Variants in CNTNAP2 observed in about 807,000 individuals in gnomAD.
The protein encoded by CNTNAP2 is contactin associated protein 2, also known as contactin-associated protein-like 2.
Under a neutral mutation model 155.2 loss-of-function variants are expected in CNTNAP2, and 98 were observed. That is an observed-to-expected ratio of 0.63 (90% CI 0.54 to 0.75). The LOEUF is 0.75. CNTNAP2 is among the 30% of genes least tolerant of loss of function. The pLI, the probability that CNTNAP2 is intolerant of heterozygous loss-of-function variation, is 0.00. For missense variants in CNTNAP2, 1,727 were observed against 1,688.1 expected, an observed-to-expected ratio of 1.02 and a Z score of -0.40; for synonymous variants, 651 against 631.2, an observed-to-expected ratio of 1.03 and a Z score of -0.47.
intron 13 of CNTNAP2, among the ~76,000 whole-genome samples, chr7:147,783,740 T>G (rs1797691354): frequency 6.6e-6 from 1 of 152,172 alleles, no homozygotes. Context: ...ATTAGTGCCC[T>G]TATAAAAGAG....
intron 1 of CNTNAP2, among the ~76,000 whole-genome samples, chr7:146,397,875 TA>T (rs1795654554): frequency 1.7e-4 from 19 of 114,626 alleles, no homozygotes; most frequent in Middle Eastern, 4.8e-3. Context: ...GACAGGCTTT[TA>T]TTTATTTATT....
At chr7:148,081,780 G>A (rs1489873162) in intron 15 of CNTNAP2, among the ~76,000 whole-genome samples, 2 of 152,022 alleles carry the variant, frequency 1.3e-5, no homozygotes, top group Non-Finnish European at 2.9e-5. Context: ...GAGGCCTGAG[G>A]GGGTAGTAAT....
chr7:146,181,636 G>A (rs998066717), intron 1 of CNTNAP2, among the ~76,000 whole-genome samples: 6 of 152,048 alleles, frequency 3.9e-5, no homozygotes, highest in Non-Finnish European at 8.8e-5. Flanking sequence ...CTGCTCAGAT[G>A]AACATTCAAA....
At chr7:147,960,527 C>T (rs1487897915) in intron 14 of CNTNAP2, among the ~76,000 whole-genome samples, 2 of 152,096 alleles carry the variant, frequency 1.3e-5, no homozygotes, top group Non-Finnish European at 2.9e-5. Flanking sequence ...TCCAGGCAGA[C>T]AAGGACAAAG....
At chr7:147,799,349 G>T (rs1286957314) in intron 13 of CNTNAP2, among the ~76,000 whole-genome samples, 1 of 152,058 alleles carries the variant, frequency 6.6e-6, no homozygotes, top group Non-Finnish European at 1.5e-5. Flanking sequence ...AATCCTGTAG[G>T]CATTCATCCT....
chr7:146,297,900 C>T (rs1425439774), intron 1 of CNTNAP2, among the ~76,000 whole-genome samples: 3 of 151,842 alleles, frequency 2.0e-5, no homozygotes, highest in Non-Finnish European at 4.4e-5. Context: ...TACACAGACA[C>T]ACACGTAAAT....
At chr7:147,928,380 C>CT (rs1585033591) in intron 14 of CNTNAP2, among the ~76,000 whole-genome samples, 2 of 152,140 alleles carry the variant, frequency 1.3e-5, no homozygotes, top group East Asian at 3.9e-4. Context: ...ATAGTACCTC[C>CT]TTCACAAAGC....
chr7:146,609,850 T>G (rs1799105668), intron 1 of CNTNAP2, among the ~76,000 whole-genome samples: 1 of 152,310 alleles, frequency 6.6e-6, no homozygotes, highest in South Asian at 2.1e-4. Flanking sequence ...TGGAGATTTC[T>G]TAGGTCTAAC....
intron 4 of CNTNAP2, among the ~76,000 whole-genome samples, chr7:147,065,705 T>C (rs1419452544): frequency 6.6e-6 from 1 of 152,172 alleles, no homozygotes; most frequent in Non-Finnish European, 1.5e-5. Flanking sequence ...ATTATCAATT[T>C]CTTAAAGACA....
intron 12 of CNTNAP2, among the ~76,000 whole-genome samples, chr7:147,634,578 C>T (rs983633118): frequency 3.3e-5 from 5 of 151,830 alleles, no homozygotes; most frequent in African/African-American, 9.7e-5. Flanking sequence ...ACCACCTGTA[C>T]CCCCCAAAAT....
At chr7:148,075,250 A>G (rs1803462655) in intron 15 of CNTNAP2, among the ~76,000 whole-genome samples, 1 of 152,172 alleles carries the variant, frequency 6.6e-6, no homozygotes, top group Admixed American at 6.5e-5. Flanking sequence ...CAGCCTGGCC[A>G]ACATGGTGAA....
At chr7:147,917,340 G>GA (rs1246212245) in intron 14 of CNTNAP2, among the ~76,000 whole-genome samples, 1 of 152,172 alleles carries the variant, frequency 6.6e-6, no homozygotes, top group Non-Finnish European at 1.5e-5. Context: ...GCATATAACA[G>GA]AAAAATAACT....
At chr7:146,794,769 A>G (rs2129189890) in intron 2 of CNTNAP2, among the ~76,000 whole-genome samples, 1 of 152,388 alleles carries the variant, frequency 6.6e-6, no homozygotes, top group East Asian at 1.9e-4. Context: ...CCGATTATTC[A>G]TTCAGAAAAA....
intron 20 of CNTNAP2, among the ~76,000 whole-genome samples, chr7:148,262,627 C>G (rs561218587): frequency 6.6e-6 from 1 of 152,224 alleles, no homozygotes; most frequent in South Asian, 2.1e-4. Flanking sequence ...GACCCTCTTG[C>G]CTCCCTCCTA....
At chr7:147,857,521 A>T (rs1799059988) in intron 13 of CNTNAP2, among the ~76,000 whole-genome samples, 1 of 152,216 alleles carries the variant, frequency 6.6e-6, no homozygotes, top group Non-Finnish European at 1.5e-5. Flanking sequence ...TTCATCATCA[A>T]AATAAACCTG....
chr7:147,113,332 T>C (rs1205394149), intron 5 of CNTNAP2, among the ~76,000 whole-genome samples: 2 of 152,126 alleles, frequency 1.3e-5, no homozygotes, highest in African/African-American at 2.4e-5. Flanking sequence ...ATCGTCTCTC[T>C]TTTCTTCTTT....
intron 3 of CNTNAP2, among the ~76,000 whole-genome samples, chr7:146,920,291 G>A (rs1305773043): frequency 6.6e-6 from 1 of 151,970 alleles, no homozygotes; most frequent in Non-Finnish European, 1.5e-5. Context: ...GCAGGTGCCT[G>A]TAATCTCAGC....
intron 13 of CNTNAP2, among the ~76,000 whole-genome samples, chr7:147,769,853 A>T (rs1437904513): frequency 6.6e-6 from 1 of 152,172 alleles, no homozygotes; most frequent in African/African-American, 2.4e-5. Flanking sequence ...TAGTGTCCTC[A>T]GCTGCAAATT....
At chr7:148,278,397 G>A (rs752100215) in intron 21 of CNTNAP2, among the ~76,000 whole-genome samples, 7 of 151,744 alleles carry the variant, frequency 4.6e-5, no homozygotes, top group Non-Finnish European at 7.4e-5. Context: ...AAACCCTGTC[G>A]CTACTAAAAA....
Sources: gnomAD v4.1 joint callset for allele counts (sites outside exome capture counted in the v4.1 genomes callset) on GRCh38, gnomAD v4.1.1 for gene constraint, MANE v1.5 for transcripts, NCBI Gene and HGNC (gene_info 2026-07-23, HGNC 2026-07-21) for gene names.